The following TRABD2B variants were observed in gnomAD, a reference collection of about 807,000 sequenced individuals.
The protein encoded by TRABD2B is TraB domain containing 2B.
TRABD2B carries 14 observed loss-of-function variants against 40.1 expected under a neutral mutation model. The observed-to-expected ratio is 0.35, with a 90% CI of 0.23 to 0.55. The LOEUF is 0.55. Among genes scored for constraint, TRABD2B ranks in the 20% least tolerant of loss-of-function variants. TRABD2B has a pLI of 0.90. For missense variants in TRABD2B, 541 were observed against 648.6 expected (o/e 0.83, Z 1.80); for synonymous variants, 263 against 277.0 (o/e 0.95, Z 0.50).
At chr1:47,771,224 C>A (rs78691602) in intron 6 of TRABD2B, among the ~76,000 whole-genome samples, 1 of 150,060 alleles carries the variant, frequency 6.7e-6, no homozygotes, top group African/African-American at 2.5e-5. Context: ...GGAGACACTG[C>A]GTCTCTTCCC....
At chr1:47,820,147 T>A (rs576380215) in intron 2 of TRABD2B, 1 of 152,312 alleles carries the variant, frequency 6.6e-6, no homozygotes, top group African/African-American at 2.4e-5. Context: ...AGACCCTCCT[T>A]CCATGAGGGC....
intron 2 of TRABD2B, among the ~76,000 whole-genome samples, chr1:47,890,180 T>C (rs923205354): frequency 3.9e-5 from 6 of 152,170 alleles, no homozygotes; most frequent in African/African-American, 1.4e-4. Flanking sequence ...GTACTAGTAA[T>C]AATAATATCA....
rs1569858404 is a variant in TRABD2B at position 47,764,537 on chromosome 1, C to G, written c.*1365G>C. The G allele has an allele frequency of 6.6e-6, 1 of 152,298 alleles. No individual in the cohort carries two copies. Among genetic ancestry groups the G allele is most frequent in the Non-Finnish European group, 1.5e-5 (1 of 68,086 alleles). 9.4% of individuals were successfully genotyped at this position (152,298 alleles called of 1,614,324 possible). ...CCCAGGTGCCCCACAGCTGTGCCCA[C>G]CTCTCAGCCTTTGATTTGGCAGGAA... is the stretch of plus-strand genomic sequence containing the variant. On this transcript the variant is annotated 3_prime_UTR_variant, in exon 7 of 7. Transcript: ENST00000606738.
intron 6 of TRABD2B, among the ~76,000 whole-genome samples, chr1:47,768,576 C>T (rs57078537): frequency 1.1e-4 from 17 of 152,090 alleles, no homozygotes; most frequent in African/African-American, 4.1e-4. Context: ...TCCCTCAATG[C>T]CACTTGGGGC....
At chr1:47,808,786 C>T (rs1644924901) in intron 2 of TRABD2B, among the ~76,000 whole-genome samples, 1 of 152,126 alleles carries the variant, frequency 6.6e-6, no homozygotes, top group Admixed American at 6.5e-5. Flanking sequence ...TCTGCTGTCC[C>T]TGGTCCTGGC....
rs112964757 is a variant in TRABD2B at position 47,963,016 on chromosome 1, T to G, written c.666+31018A>C. Among the ~76,000 whole-genome samples the G allele has an allele frequency of 1.4e-3, 211 of 152,338 alleles. 1 individual carries two copies. Among genetic ancestry groups the G allele is most frequent in the African/African-American group, 4.9e-3 (202 of 41,578 alleles). ...TGAGTTGGAATTGAAGCTCTAGAAT[T>G]TTGGCATCCATCCATCCATTCATTC... On this transcript the variant is annotated intron_variant, in intron 2 of 6. Transcript: ENST00000606738.
intron 2 of TRABD2B, among the ~76,000 whole-genome samples, chr1:47,943,517 A>G (rs1206236123): frequency 6.6e-6 from 1 of 152,146 alleles, no homozygotes; most frequent in Non-Finnish European, 1.5e-5. Context: ...ATCAGAGTCC[A>G]ATTCTTCATT....
At chr1:47,786,215 C>T (rs1047611225) in intron 4 of TRABD2B, among the ~76,000 whole-genome samples, 7 of 152,218 alleles carry the variant, frequency 4.6e-5, no homozygotes, top group Admixed American at 1.3e-4. Flanking sequence ...ATCAGGAGAA[C>T]GCAGGGTTTC....
intron 2 of TRABD2B, among the ~76,000 whole-genome samples, chr1:47,830,332 G>A (rs1557599238): frequency 6.6e-6 from 1 of 152,228 alleles, no homozygotes; most frequent in Non-Finnish European, 1.5e-5. Context: ...GACCCTTGGG[G>A]AGACAGTAAG....
At chr1:47,778,623 A>G (rs1644479766) in intron 4 of TRABD2B, 79 bp from the exon 5 acceptor site, 1 of 1,035,782 alleles carries the variant, frequency 9.7e-7, no homozygotes, top group Non-Finnish European at 1.4e-6. Context: ...CCATCCCCTA[A>G]GTTTGTATCT....
At chr1:47,976,589 C>T (rs938711130) in intron 2 of TRABD2B, among the ~76,000 whole-genome samples, 3 of 151,990 alleles carry the variant, frequency 2.0e-5, no homozygotes, top group African/African-American at 7.3e-5. Context: ...GTATAGAACG[C>T]AATTGATGAC....
At chr1:47,862,296 C>T (rs1643985242) in intron 2 of TRABD2B, among the ~76,000 whole-genome samples, 2 of 152,060 alleles carry the variant, frequency 1.3e-5, no homozygotes, top group Admixed American at 1.3e-4. Flanking sequence ...GGAAGAAATA[C>T]ATCTTTTTTC....
chr1:47,962,407 A>T (rs1645534835), intron 2 of TRABD2B, among the ~76,000 whole-genome samples: 1 of 152,156 alleles, frequency 6.6e-6, no homozygotes, highest in East Asian at 1.9e-4. Flanking sequence ...CAACTCATTG[A>T]CTGCAGCCCA....
intron 2 of TRABD2B, among the ~76,000 whole-genome samples, chr1:47,934,628 A>G (rs922884467): frequency 1.3e-5 from 2 of 152,180 alleles, no homozygotes; most frequent in Non-Finnish European, 2.9e-5. Flanking sequence ...TCTGATTATA[A>G]ATGCCTTCTG....
chr1:47,943,925 T>C (rs1430715805), intron 2 of TRABD2B, among the ~76,000 whole-genome samples: 2 of 152,234 alleles, frequency 1.3e-5, no homozygotes, highest in Non-Finnish European at 2.9e-5. Context: ...CTTGTTGCTT[T>C]ACACACATTA....
intron 2 of TRABD2B, among the ~76,000 whole-genome samples, chr1:47,874,059 G>A (rs1644183129): frequency 6.6e-6 from 1 of 152,048 alleles, no homozygotes; most frequent in South Asian, 2.1e-4. Context: ...TCTAGCAGAG[G>A]TCAGGATAGA....
rs182571814 is a variant in TRABD2B, at chr1:47,815,222, C to G, written c.667-13603G>C. ...AGCCTTGGGTCTTGGGAAAAGAACA[C>G]AGAGAAGTCAGACACATTCTGGATG... is the stretch of plus-strand genomic sequence containing the variant. On this transcript the variant is annotated intron_variant, in intron 2 of 6. Transcript: ENST00000606738. 5.4e-4 allele frequency among the ~76,000 whole-genome samples: 82 copies of G among 152,324 alleles called. 1 individual carries two copies. Among genetic ancestry groups the G allele is most frequent in the African/African-American group, 1.9e-3 (77 of 41,578 alleles).
At chr1:47,856,347 A>G (rs1358359633) in intron 2 of TRABD2B, among the ~76,000 whole-genome samples, 1 of 152,212 alleles carries the variant, frequency 6.6e-6, no homozygotes, top group Non-Finnish European at 1.5e-5. Flanking sequence ...GGCACACAGT[A>G]TGTGCTCAGT....
chr1:47,807,621 T>C (rs1644909531), intron 2 of TRABD2B, among the ~76,000 whole-genome samples: 1 of 151,422 alleles, frequency 6.6e-6, no homozygotes, highest in Non-Finnish European at 1.5e-5. Flanking sequence ...TTGTTATTCA[T>C]ATTTGTGTGT....
Sources: allele counts gnomAD v4.1 joint callset (sites outside exome capture counted in the v4.1 genomes callset), GRCh38; gene constraint gnomAD v4.1.1; transcripts MANE v1.5; gene names NCBI Gene and HGNC (gene_info 2026-07-23, HGNC 2026-07-21).